NHSL1: variants seen among roughly 807,000 people sequenced by gnomAD.
The protein encoded by NHSL1 is NHS like 1.
NHSL1 carries 48 observed loss-of-function variants against 95.0 expected under a neutral mutation model. The ratio of observed to expected loss-of-function variants is 0.51; its 90% confidence interval spans 0.40 to 0.64. The LOEUF is 0.64. NHSL1 is among the 30% of genes least tolerant of loss of function. NHSL1 has a pLI of 0.00. For missense variants in NHSL1, 1,971 were observed against 2,077.7 expected, an observed-to-expected ratio of 0.95 and a Z score of 1.00; for synonymous variants, 783 against 833.9, an observed-to-expected ratio of 0.94 and a Z score of 1.05.
rs1266443456 is a variant in NHSL1, at chr6:138,424,761, G to A, written c.4141C>T (p.His1381Tyr). The A allele has an allele frequency of 1.3e-6, 2 of 1,551,414 alleles. No individual in the cohort carries two copies. The highest frequency in any genetic ancestry group is 3.9e-5 in the Admixed American group (2 of 50,998). ...RDSDDDHSRN[H>Y]SPSPPVTPTG... ...GGTGTCACGGGCGGGGAGGGAGAATGGTTTCGGGAGTGGTCATCATCTGAA... is the reference window on the plus strand; with the variant it reads ...GGTGTCACGGGCGGGGAGGGAGAATAGTTTCGGGAGTGGTCATCATCTGAA... The change falls in exon 8 of 8, where the codon CAT (histidine) becomes TAT (tyrosine). Residue 1381 changes from histidine to tyrosine, a missense_variant. His to Tyr is a moderately conservative substitution (Grantham distance 83, BLOSUM62 2). This residue lies in a region of NHSL1 where 146 missense variants were observed against 206.3 expected (regional missense o/e 0.71). Transcript: ENST00000343505. The surrounding 1 kb of genome is among the most constrained non-coding windows in gnomAD (Gnocchi z 5.9).
chr6:138,595,911 C>T (rs1179589440), intron 1 of NHSL1, among the ~76,000 whole-genome samples: 4 of 151,670 alleles, frequency 2.6e-5, no homozygotes, highest in African/African-American at 7.3e-5. Flanking sequence ...CAACATGGCC[C>T]GACTTTCTCC....
chr6:138,591,378 A>G (rs1784224483), intron 1 of NHSL1, among the ~76,000 whole-genome samples: 1 of 152,206 alleles, frequency 6.6e-6, no homozygotes, highest in Admixed American at 6.5e-5. Context: ...CATTAAATGA[A>G]AAATTCCAGA....
At position 138,554,871 on chromosome 6, in the gene NHSL1, A is replaced by T. The variant is rs140176594; in HGVS notation, c.202+16839T>A. 2.7e-3 allele frequency among the ~76,000 whole-genome samples: 417 copies of T among 152,290 alleles called. 1 individual carries two copies. The highest frequency in any genetic ancestry group is 8.6e-3 in the African/African-American group (356 of 41,564). ...GAAGAAGCTAATAATTTCCCTTTCA[A>T]CTGCCAAGGCTTCTGAGTCGTGAGG... On this transcript the variant is annotated intron_variant, in intron 1 of 6. Transcript: ENST00000427025.
rs11969986 is a variant in NHSL1, at chr6:138,565,049, C to T, written c.202+6661G>A. Among the ~76,000 whole-genome samples the T allele has an allele frequency of 5.0e-3, 767 of 152,198 alleles. 9 individuals are homozygous for T. Among genetic ancestry groups the T allele is most frequent in the African/African-American group, 0.017 (726 of 41,528 alleles). ...CACGCCATGTAAAGTGATGTAAGCT[C>T]CATTCTGTAGGCAATGGGGAGCTAC... is the stretch of plus-strand genomic sequence containing the variant. On this transcript the variant is annotated intron_variant, in intron 1 of 6. Coordinates refer to the NHSL1 transcript ENST00000427025.
rs1463006238 is a variant in NHSL1 at position 138,433,363 on chromosome 6, A to G, written c.982T>C (p.Ser328Pro). 7.7e-6 allele frequency: 12 copies of G among 1,552,246 alleles called. No homozygotes were observed. Among genetic ancestry groups the G allele is most frequent in the East Asian group, 2.4e-5 (1 of 40,898 alleles). The change falls in exon 6 of 8, where the codon TCT (serine) becomes CCT (proline). Residue 328 changes from serine to proline, a missense_variant. Transcript: ENST00000343505. ...GACTGAATGTTTGCCCTTGCTCCAG[A>G]ACGCGGAAGACTATGGAAGCCAGCA... Reference protein sequence around the residue: ...SDAGFHSLPRSGARANIQSLE... With the variant: ...SDAGFHSLPRPGARANIQSLE...
At chr6:138,515,209 C>A (rs992877737) in intron 1 of NHSL1, among the ~76,000 whole-genome samples, 9 of 152,126 alleles carry the variant, frequency 5.9e-5, no homozygotes, top group African/African-American at 2.2e-4. Context: ...CTCAGTTGAC[C>A]ATGGGTAACT....
chr6:138,581,262 C>T (rs1029565164), intron 1 of NHSL1, among the ~76,000 whole-genome samples: 6 of 152,134 alleles, frequency 3.9e-5, no homozygotes, highest in African/African-American at 1.4e-4. Flanking sequence ...ATTTTTTGCA[C>T]TCGTACTTTT....
intron 2 of NHSL1, among the ~76,000 whole-genome samples, chr6:138,495,238 A>G (rs1395443930): frequency 6.6e-6 from 1 of 152,152 alleles, no homozygotes; most frequent in African/African-American, 2.4e-5. Flanking sequence ...GTGAGACTCC[A>G]TCTCAATAAG....
chr6:138,511,979 A>C (rs892880810), intron 1 of NHSL1, among the ~76,000 whole-genome samples: 2 of 152,238 alleles, frequency 1.3e-5, no homozygotes, highest in Non-Finnish European at 2.9e-5. Flanking sequence ...AAACTTCTCG[A>C]AAATTGCATA....
intron 1 of NHSL1, among the ~76,000 whole-genome samples, chr6:138,567,028 C>A (rs930528926): frequency 1.3e-5 from 2 of 152,074 alleles, no homozygotes; most frequent in African/African-American, 4.8e-5. Flanking sequence ...ATTTGTGATG[C>A]TACTTGACAA....
At chr6:138,654,704 A>C in intron 1 of NHSL1, among the ~76,000 whole-genome samples, 1 of 152,076 alleles carries the variant, frequency 6.6e-6, no homozygotes, top group South Asian at 2.1e-4. Flanking sequence ...TGTTTTTTAA[A>C]TCCCCAGGTA....
At chr6:138,614,827 C>T (rs769095633) in intron 1 of NHSL1, among the ~76,000 whole-genome samples, 4 of 152,106 alleles carry the variant, frequency 2.6e-5, no homozygotes, top group African/African-American at 7.2e-5. Context: ...TTGTGAACTG[C>T]GCATGGGAGG....
At chr6:138,691,758 C>T (rs548223541) in intron 1 of NHSL1, 2 of 370,720 alleles carry the variant, frequency 5.4e-6, no homozygotes, top group East Asian at 7.3e-5. Context: ...AAATGGATCA[C>T]CGGAGAGATC....
chr6:138,517,517 G>A (rs1033316898), intron 1 of NHSL1, among the ~76,000 whole-genome samples: 1 of 152,160 alleles, frequency 6.6e-6, no homozygotes, highest in African/African-American at 2.4e-5. Context: ...AGTATTTAGG[G>A]AAAGAACATC....
rs1777278884 is a variant in NHSL1, at chr6:138,452,131, ATCCTGG to A, written c.340-4944_340-4939del. Reference sequence around the variant, plus strand: ...TCAATAATGTTCACCAATACCCCATATCCTGGTCCTGGGAGGAATGGAGAGTCACAA... The same window carrying A: ...TCAATAATGTTCACCAATACCCCATATCCTGGGAGGAATGGAGAGTCACAA... On this transcript the variant is annotated intron_variant, in intron 3 of 7. Coordinates refer to ENST00000343505, the MANE Select transcript of NHSL1 (RefSeq NM_001144060.2). Among the ~76,000 whole-genome samples the A allele has an allele frequency of 2.6e-5, 4 of 152,310 alleles. No homozygotes were observed. The South Asian group carries it at 6.2e-4, about 24-fold the overall frequency.
upstream of NHSL1, among the ~76,000 whole-genome samples, chr6:138,550,224 G>T (rs1053034432): frequency 1.4e-4 from 22 of 151,978 alleles, no homozygotes; most frequent in Admixed American, 1.4e-3. Flanking sequence ...GGGCAACAGA[G>T]TGAGACTCTA....
chr6:138,646,186 A>G (rs1785017911), intron 1 of NHSL1, among the ~76,000 whole-genome samples: 1 of 152,194 alleles, frequency 6.6e-6, no homozygotes, highest in African/African-American at 2.4e-5. Flanking sequence ...AACATTCTCA[A>G]CATACCACAC....
At chr6:138,672,276 C>T (rs1362964767) in intron 1 of NHSL1, among the ~76,000 whole-genome samples, 1 of 152,052 alleles carries the variant, frequency 6.6e-6, no homozygotes, top group Non-Finnish European at 1.5e-5. Flanking sequence ...AATCTCATAA[C>T]AGTTACATCC....
chr6:138,639,027 T>C (rs1422747930), intron 1 of NHSL1, among the ~76,000 whole-genome samples: 2 of 152,226 alleles, frequency 1.3e-5, no homozygotes, highest in Middle Eastern at 3.2e-3. Context: ...TCTGTTTTAA[T>C]AAAGGTAAAT....
Sources: gnomAD v4.1 joint callset for allele counts (sites outside exome capture counted in the v4.1 genomes callset) on GRCh38, gnomAD v4.1.1 for gene constraint, gnomAD v4.1.1 regional missense constraint, Gnocchi (gnomAD v3.1) non-coding constraint, MANE v1.5 for transcripts, NCBI Gene and HGNC (gene_info 2026-07-23, HGNC 2026-07-21) for gene names.